ARFRP1: variants seen among roughly 807,000 people sequenced by gnomAD.
ARFRP1 encodes ADP-ribosylation factor-related protein 1.
In ARFRP1, 19 loss-of-function variants were observed where a neutral mutation model predicts 30.3. The ratio of observed to expected loss-of-function variants is 0.63; its 90% confidence interval spans 0.44 to 0.92. The LOEUF (loss-of-function observed/expected upper bound fraction) is 0.92. ARFRP1 is among the 40% of genes least tolerant of loss of function. ARFRP1 has a pLI of 0.00. For synonymous variants in ARFRP1, 133 were observed against 114.2 expected (o/e 1.16, Z -1.05); for missense variants, 245 against 267.5 (o/e 0.92, Z 0.59).
In ARFRP1 at chr20:63,706,807, GGT is replaced by G. The variant is rs571244691; in HGVS notation, c.94-71_94-70del. On this transcript the variant is annotated intron_variant, in intron 2 of 7. Transcript: ENST00000622789. ...ACTGGCTTCCAAATATCCTTACTCA[GGT>G]CTGTTCTTTAAAAGACAGAAACAGA... 4.8e-4 allele frequency: 665 copies of G among 1,389,542 alleles called. 6 individuals carry two copies. The African/African-American group carries it at 8.7e-3, about 18-fold the overall frequency. The allele number at this position is 1,389,542 out of a possible 1,614,324, so 86.1% of individuals were successfully genotyped here.
rs566634491 is a variant in ARFRP1, at chr20:63,702,343, G to C, written c.265-126C>G. On this transcript the variant is annotated intron_variant, in intron 4 of 7. Coordinates refer to ENST00000622789, the MANE Select transcript of ARFRP1 (RefSeq NM_001267547.3). ...AGGGGCAAGAGGGCAGCCCCCAACT[G>C]CAAGACCCTTCTGGGATGCATTCTG... 75 of 853,012 alleles carry C rather than the reference G, an allele frequency of 8.8e-5. No individual in the cohort carries two copies. In the African/African-American group the frequency reaches 1.0e-3, roughly 11 times the overall value. 52.8% of individuals were successfully genotyped at this position (853,012 alleles called of 1,614,324 possible).
At position 63,699,214 on chromosome 20, in the gene ARFRP1, T is replaced by G. The variant is rs1251733917; in HGVS notation, c.*1229A>C. 6.6e-6 allele frequency: 1 copy of G among 152,154 alleles called. No individual in the cohort carries two copies. Among genetic ancestry groups the G allele is most frequent in the East Asian group, 1.9e-4 (1 of 5,248 alleles). 9.4% of individuals were successfully genotyped at this position (152,154 alleles called of 1,614,324 possible). A position where few individuals can be genotyped will look rare whatever the true frequency, so the allele number is the denominator to read the frequency against. ...CCCCCCCAGGTCCTGGGAACCAACC[T>G]GCAGAACACACACAGGGTCCCCTGG... On this transcript the variant is annotated 3_prime_UTR_variant, in exon 8 of 8. Coordinates refer to ENST00000622789, the MANE Select transcript of ARFRP1 (RefSeq NM_001267547.3).
At chr20:63,700,736 A>C in intron 6 of ARFRP1, 34 bp from the exon 7 acceptor site, 1 of 1,602,714 alleles carries the variant, frequency 6.2e-7, no homozygotes, top group Non-Finnish European at 8.5e-7. Flanking sequence ...AGCAGCCCCC[A>C]CGTCTGGCCC....
chr20:63,700,294 G>C lies in ARFRP1; in HGVS notation c.*149C>G, dbSNP rs373602103. 7.9e-5 allele frequency: 96 copies of C among 1,208,100 alleles called. 1 individual carries two copies. Among genetic ancestry groups the C allele is most frequent in the East Asian group, 4.6e-4 (18 of 38,946 alleles). The allele number at this position is 1,208,100 out of a possible 1,614,324, so 74.8% of individuals were successfully genotyped here. ...GGATGCCTACGCTTTTCCAGACATAGAGGAAAGTTTGTCTTCGAGAAAACA... is the reference window on the plus strand; with the variant it reads ...GGATGCCTACGCTTTTCCAGACATACAGGAAAGTTTGTCTTCGAGAAAACA... On this transcript the variant is annotated 3_prime_UTR_variant, in exon 8 of 8. Coordinates refer to ENST00000622789, the MANE Select transcript of ARFRP1 (RefSeq NM_001267547.3).
chr20:63,701,472 A>T (rs1406346420), intron 6 of ARFRP1: 1 of 477,948 alleles, frequency 2.1e-6, no homozygotes, highest in Non-Finnish European at 4.1e-6. Flanking sequence ...GTCAGAGCTG[A>T]CTCCCACCAG....
At position 63,705,911 on chromosome 20, in the gene ARFRP1, C is replaced by T. The variant is rs112616032; in HGVS notation, c.264+446G>A. Reference sequence around the variant, plus strand: ...ACTTGTAAGATGTTTAGGTTGTTAACATAATGTTCAGGTTTCAAAACATTG... The same window carrying T: ...ACTTGTAAGATGTTTAGGTTGTTAATATAATGTTCAGGTTTCAAAACATTG... On this transcript the variant is annotated intron_variant, in intron 4 of 7. Coordinates refer to ENST00000622789, the MANE Select transcript of ARFRP1 (RefSeq NM_001267547.3). The T allele has an allele frequency of 1.6e-3, 578 of 366,278 alleles. 4 individuals are homozygous for T. The highest frequency in any genetic ancestry group is 0.011 in the African/African-American group (519 of 47,210). The allele number at this position is 366,278 out of a possible 1,614,324, so 22.7% of individuals were successfully genotyped here.
Position 63,706,688 on chromosome 20 carries a change from C to A in ARFRP1, c.144G>T (p.Met48Ile). The part of the protein sequence containing the change: ...KTRFNKNYKG[M>I]SLSKITTTVG... ...CGGTGGTGGTGATTTTGGATAGACT[C>A]ATCCCCTTGTAGTTCTTGTTAAATC... The change falls in exon 3 of 8, where the codon ATG (methionine) becomes ATT (isoleucine). Residue 48 changes from methionine to isoleucine, a missense_variant. Physicochemically the swap from Met to Ile is conservative, Grantham distance 10. Transcript: ENST00000622789. 6.2e-7 allele frequency: 1 copy of A among 1,614,072 alleles called. No individual in the cohort carries two copies. Among genetic ancestry groups the A allele is most frequent in the South Asian group, 1.1e-5 (1 of 91,072 alleles).
At chr20:63,705,853 C>CA in intron 4 of ARFRP1, 1 of 466,582 alleles carries the variant, frequency 2.1e-6, no homozygotes, top group South Asian at 1.6e-5. Context: ...CCCTTAGGCT[C>CA]AAACCCAAGC....
chr20:63,707,555 G>T (rs566720993), intron 1 of ARFRP1: 2 of 160,466 alleles, frequency 1.2e-5, no homozygotes, highest in Admixed American at 6.4e-5. Flanking sequence ...CCCTGCAGGC[G>T]CCGGGTAGGG....
chr20:63,702,247 A>C (rs2091253819), intron 4 of ARFRP1, 30 bp from the exon 5 acceptor site: 1 of 1,593,464 alleles, frequency 6.3e-7, no homozygotes, highest in South Asian at 1.1e-5. Context: ...GTTGGGGCTC[A>C]GTCCCCACCC....
chr20:63,699,189 C>T lies in ARFRP1; in HGVS notation c.*1254G>A, dbSNP rs879304833. On this transcript the variant is annotated 3_prime_UTR_variant, in exon 8 of 8. Coordinates refer to ENST00000622789, the MANE Select transcript of ARFRP1 (RefSeq NM_001267547.3). ...CGGCCAGGTTCCCGGGGCTGGAGGT[C>T]CCCCCCAGGTCCTGGGAACCAACCT... The T allele has an allele frequency of 1.3e-5, 2 of 151,662 alleles. No homozygotes were observed. Among genetic ancestry groups the T allele is most frequent in the African/African-American group, 4.9e-5 (2 of 41,096 alleles). 9.4% of individuals were successfully genotyped at this position (151,662 alleles called of 1,614,324 possible). A position where few individuals can be genotyped will look rare whatever the true frequency, so the allele number is the denominator to read the frequency against.
chr20:63,704,459 GGGGACCCA>G, intron 4 of ARFRP1: 1 of 152,336 alleles, frequency 6.6e-6, no homozygotes, highest in Middle Eastern at 3.4e-3. Context: ...TCCCACAGCT[GGGGACCCA>G]GGGAGCCACT....
chr20:63,704,769 TGGA>T (rs1364716491), intron 4 of ARFRP1: 1 of 152,268 alleles, frequency 6.6e-6, no homozygotes, highest in East Asian at 1.9e-4. Context: ...TGCTTCATGT[TGGA>T]GAACACTGCA....
chr20:63,703,418 A>G (rs989755505), intron 4 of ARFRP1: 1 of 141,342 alleles, frequency 7.1e-6, no homozygotes, highest in Non-Finnish European at 1.6e-5. Flanking sequence ...AGGCCCCCCC[A>G]CCCCCAGGAA....
intron 1 of ARFRP1, 65 bp from the exon 2 acceptor site, chr20:63,707,162 C>A: frequency 2.1e-6 from 3 of 1,451,762 alleles, no homozygotes; most frequent in Non-Finnish European, 2.8e-6. Context: ...GGCTTCTCCA[C>A]GGTGGTCAGT....
chr20:63,700,831 T>G, intron 6 of ARFRP1, 129 bp from the exon 7 acceptor site: 1 of 1,288,234 alleles, frequency 7.8e-7, no homozygotes, highest in Non-Finnish European at 1.1e-6. Flanking sequence ...AGGGTCCCAG[T>G]GTCTCCCACA....
chr20:63,700,054 G>A lies in ARFRP1; in HGVS notation c.*389C>T, dbSNP rs1052870822. On this transcript the variant is annotated 3_prime_UTR_variant, in exon 8 of 8. Coordinates refer to ENST00000622789, the MANE Select transcript of ARFRP1 (RefSeq NM_001267547.3). ...GCCATGGCTGACGGGCCTCCTCCTC[G>A]ATGGGGCGGAGACAGCCACGGGGTC... 21 of 263,096 alleles carry A rather than the reference G, an allele frequency of 8.0e-5. No homozygotes were observed. Among genetic ancestry groups the A allele is most frequent in the Admixed American group, 1.5e-4 (3 of 20,196 alleles). 16.3% of individuals were successfully genotyped at this position (263,096 alleles called of 1,614,324 possible).
intron 5 of ARFRP1, 73 bp downstream of exon 5, chr20:63,702,063 G>A (rs2091241319): frequency 1.5e-6 from 2 of 1,322,400 alleles, no homozygotes; most frequent in Non-Finnish European, 1.0e-6. Flanking sequence ...CCTGCCCCAG[G>A]CACAGAGCTG....
At chr20:63,705,576 C>T (rs1317957721) in intron 4 of ARFRP1, 8 of 501,508 alleles carry the variant, frequency 1.6e-5, no homozygotes, top group Non-Finnish European at 2.5e-5. Context: ...GCTGTGAGAC[C>T]CTGAGGAGTC....
Sources: allele counts gnomAD v4.1 joint callset, GRCh38; gene constraint gnomAD v4.1.1; transcripts MANE v1.5; gene names NCBI Gene and HGNC (gene_info 2026-07-23, HGNC 2026-07-21).